LARP4B: variants seen among roughly 807,000 people sequenced by gnomAD.
LARP4B encodes la-related protein 4B.
Under a neutral mutation model 89.8 loss-of-function variants are expected in LARP4B, and 12 were observed. That is an observed-to-expected ratio of 0.13 (90% CI 0.09 to 0.22). The LOEUF is 0.22. LARP4B is among the 10% of genes least tolerant of loss of function. LARP4B has a pLI of 1.00. For synonymous variants in LARP4B, 367 were observed against 363.3 expected, an observed-to-expected ratio of 1.01 and a Z score of -0.12; for missense variants, 757 against 947.7, an observed-to-expected ratio of 0.80 and a Z score of 2.64.
At chr10:881,909 T>C (rs912025477) in intron 3 of LARP4B, among the ~76,000 whole-genome samples, 1 of 152,236 alleles carries the variant, frequency 6.6e-6, no homozygotes, top group African/African-American at 2.4e-5. Flanking sequence ...TTAGCCATCA[T>C]GATCACTTGC....
At chr10:987,152 T>C in the LARP4B span, 1 of 152,202 alleles carries the variant, frequency 6.6e-6, no homozygotes, top group East Asian at 1.9e-4. Context: ...TGGCCAGAAC[T>C]GTCCTGTGGT....
rs1830620151 is a variant in LARP4B at position 931,641 on chromosome 10, A to T, written c.-253T>A. On this transcript the variant is annotated 5_prime_UTR_variant, in exon 1 of 18. Coordinates refer to ENST00000316157, the MANE Select transcript of LARP4B (RefSeq NM_015155.3). The stretch of plus-strand genomic sequence containing the variant: ...GATTCTTCCCCTTTCGGGCCCGAAA[A>T]TGTCTCAACCCCGGGACTCCAGATC... The T allele has an allele frequency of 6.5e-6, 1 of 154,546 alleles. No individual in the cohort carries two copies. The highest frequency in any genetic ancestry group is 1.4e-5 in the Non-Finnish European group (1 of 70,218). The allele number at this position is 154,546 out of a possible 1,614,324, so 9.6% of individuals were successfully genotyped here.
the LARP4B span, among the ~76,000 whole-genome samples, chr10:954,377 C>A: frequency 6.6e-6 from 1 of 152,074 alleles, no homozygotes; most frequent in Non-Finnish European, 1.5e-5. This position sits in a 1 kb window ranked among gnomAD's most constrained non-coding sequence, Gnocchi z 5.0. Context: ...AAAGGGGGCT[C>A]TAAACAACCA....
At chr10:954,255 G>A in the LARP4B span, among the ~76,000 whole-genome samples, 124 of 152,188 alleles carry the variant, frequency 8.1e-4, no homozygotes, top group African/African-American at 2.8e-3. The surrounding 1 kb of genome is among the most constrained non-coding windows in gnomAD (Gnocchi z 5.0). Flanking sequence ...CCACCAGCCC[G>A]TCTTTTATGG....
At chr10:863,911 G>C (rs764755076) in intron 4 of LARP4B, 28 bp from the exon 5 acceptor site, 4 of 1,603,890 alleles carry the variant, frequency 2.5e-6, no homozygotes, top group Non-Finnish European at 3.4e-6. Context: ...CCCCAAAAAG[G>C]CAGGGTTAGA....
intron 6 of LARP4B, among the ~76,000 whole-genome samples, chr10:843,592 G>A (rs138160878): frequency 1.0e-3 from 158 of 152,142 alleles, no homozygotes; most frequent in Middle Eastern, 6.8e-3. Flanking sequence ...CCAGCTACTC[G>A]GGAGGCTCAG....
chr10:835,908 G>A (rs1276434707), intron 8 of LARP4B, among the ~76,000 whole-genome samples: 1 of 151,470 alleles, frequency 6.6e-6, no homozygotes, highest in African/African-American at 2.4e-5. Flanking sequence ...ACTCCAGCCT[G>A]GGCAACAGAG....
At chr10:948,861 C>T in the LARP4B span, among the ~76,000 whole-genome samples, 1 of 152,228 alleles carries the variant, frequency 6.6e-6, no homozygotes, top group African/African-American at 2.4e-5. Flanking sequence ...GAGTATACTC[C>T]ATAGTGTGGG....
chr10:910,214 CCTT>C (rs960232290), intron 1 of LARP4B, among the ~76,000 whole-genome samples: 3 of 148,394 alleles, frequency 2.0e-5, no homozygotes, highest in African/African-American at 7.3e-5. Flanking sequence ...TCAGGAACTG[CCTT>C]TTTTCCCTTT....
intron 1 of LARP4B, among the ~76,000 whole-genome samples, chr10:923,029 T>C (rs755241048): frequency 1.3e-5 from 2 of 151,924 alleles, no homozygotes; most frequent in Non-Finnish European, 2.9e-5. Context: ...GAGCGGAGAC[T>C]GTGCCACTGC....
chr10:946,539 A>C, the LARP4B span, among the ~76,000 whole-genome samples: 1 of 152,220 alleles, frequency 6.6e-6, no homozygotes, highest in Non-Finnish European at 1.5e-5. Flanking sequence ...AAAGAATCTC[A>C]TAGGGTTAGG....
the LARP4B span, among the ~76,000 whole-genome samples, chr10:938,702 C>T: frequency 6.6e-6 from 1 of 152,162 alleles, no homozygotes; most frequent in Non-Finnish European, 1.5e-5. Flanking sequence ...ATGTGTGTGT[C>T]TGTATGTATA....
intron 5 of LARP4B, among the ~76,000 whole-genome samples, chr10:851,567 A>G (rs1392107528): frequency 6.6e-6 from 1 of 152,220 alleles, no homozygotes; most frequent in Non-Finnish European, 1.5e-5. Flanking sequence ...CAAATTACCA[A>G]TAACAGAGAT....
At chr10:824,907 GC>G (rs1476859921) in intron 13 of LARP4B, among the ~76,000 whole-genome samples, 157 bp downstream of exon 13, 2 of 152,232 alleles carry the variant, frequency 1.3e-5, no homozygotes, top group Admixed American at 6.5e-5. Context: ...AAAAGATGAA[GC>G]CATTTAAGTC....
At chr10:870,280 C>G (rs1412009363) in intron 3 of LARP4B, among the ~76,000 whole-genome samples, 1 of 152,042 alleles carries the variant, frequency 6.6e-6, no homozygotes, top group Non-Finnish European at 1.5e-5. Flanking sequence ...AAAATTCACT[C>G]AAAAAACGGG....
At chr10:841,322 C>A (rs935693664) in intron 7 of LARP4B, among the ~76,000 whole-genome samples, 1 of 152,162 alleles carries the variant, frequency 6.6e-6, no homozygotes, top group Non-Finnish European at 1.5e-5. Context: ...AAGGCATGTA[C>A]ATTTCTGTCC....
chr10:853,142 G>GA, intron 5 of LARP4B, among the ~76,000 whole-genome samples: 1 of 152,242 alleles, frequency 6.6e-6, no homozygotes, highest in East Asian at 1.9e-4. Context: ...AAGTAACTAT[G>GA]AAAAACAGAG....
chr10:816,003 C>T (rs1832032965), intron 15 of LARP4B, among the ~76,000 whole-genome samples: 2 of 152,180 alleles, frequency 1.3e-5, no homozygotes, highest in African/African-American at 2.4e-5. Flanking sequence ...CTGAGGTGGA[C>T]GAATCACCTG....
chr10:884,805 AAGT>A (rs1363398131), intron 2 of LARP4B, among the ~76,000 whole-genome samples: 4 of 152,220 alleles, frequency 2.6e-5, no homozygotes, highest in African/African-American at 9.6e-5. Context: ...AAATGAACAA[AAGT>A]AGTCAAAAAA....
Sources: gnomAD v4.1 joint callset for allele counts (sites outside exome capture counted in the v4.1 genomes callset) on GRCh38, gnomAD v4.1.1 for gene constraint, Gnocchi (gnomAD v3.1) non-coding constraint, MANE v1.5 for transcripts, NCBI Gene and HGNC (gene_info 2026-07-23, HGNC 2026-07-21) for gene names.